CATSPERE: variants seen among roughly 807,000 people sequenced by gnomAD.
The protein encoded by CATSPERE is catsper channel auxiliary subunit epsilon, also known as cation channel sperm-associated auxiliary subunit epsilon.
In CATSPERE, 93 loss-of-function variants were observed where a neutral mutation model predicts 114.1. The observed-to-expected ratio is 0.81, with a 90% confidence interval of 0.69 to 0.97. The LOEUF (loss-of-function observed/expected upper bound fraction) is 0.97, where lower values mean the gene tolerates loss of function less well. Among genes scored for constraint, CATSPERE ranks in the 50% least tolerant of loss-of-function variants. CATSPERE has a pLI of 0.00. For missense variants in CATSPERE, 1,058 were observed against 1,131.6 expected, an observed-to-expected ratio of 0.93 and a Z score of 0.93; for synonymous variants, 341 against 384.1, an observed-to-expected ratio of 0.89 and a Z score of 1.31.
At chr1:244,583,707 G>A (rs1217229667) in intron 12 of CATSPERE, among the ~76,000 whole-genome samples, 157 bp from the exon 13 acceptor site, 1 of 152,186 alleles carries the variant, frequency 6.6e-6, no homozygotes, top group Non-Finnish European at 1.5e-5. Flanking sequence ...CAGAAGCAGA[G>A]AGCTGTTACC....
At chr1:244,484,632 T>C (rs559614180) in intron 5 of CATSPERE, among the ~76,000 whole-genome samples, 1 of 152,364 alleles carries the variant, frequency 6.6e-6, no homozygotes, top group South Asian at 2.1e-4. Flanking sequence ...GGCTTACTCC[T>C]TACCATCATT....
chr1:244,613,894 T>C (rs1241240246), intron 19 of CATSPERE, among the ~76,000 whole-genome samples: 2 of 152,144 alleles, frequency 1.3e-5, no homozygotes, highest in Non-Finnish European at 2.9e-5. Context: ...GATTAATCCA[T>C]TCATAGATTA....
At chr1:244,565,386 T>G (rs1454509874) in intron 10 of CATSPERE, among the ~76,000 whole-genome samples, 3 of 152,196 alleles carry the variant, frequency 2.0e-5, no homozygotes, top group Non-Finnish European at 4.4e-5. Flanking sequence ...CCTTGGCTTT[T>G]TTTGGTTAGT....
intron 8 of CATSPERE, among the ~76,000 whole-genome samples, chr1:244,530,549 C>G (rs976433621): frequency 2.0e-5 from 3 of 151,944 alleles, no homozygotes; most frequent in Admixed American, 6.6e-5. Flanking sequence ...TTTCCTATTT[C>G]TGTAAAGAAT....
intron 20 of CATSPERE, among the ~76,000 whole-genome samples, chr1:244,625,424 A>ATTT (rs1281579567): frequency 2.5e-4 from 1 of 3,944 alleles, no homozygotes; most frequent in Non-Finnish European, 6.9e-4. Context: ...ATATATATAT[A>ATTT]TATATATATT....
chr1:244,546,486 G>T (rs1442248160), intron 8 of CATSPERE, among the ~76,000 whole-genome samples: 1 of 152,180 alleles, frequency 6.6e-6, no homozygotes, highest in Non-Finnish European at 1.5e-5. Flanking sequence ...AAGTGCCAAT[G>T]ACTGGCCCTA....
chr1:244,574,446 T>C (rs1664939512), intron 11 of CATSPERE, among the ~76,000 whole-genome samples: 1 of 152,154 alleles, frequency 6.6e-6, no homozygotes, highest in African/African-American at 2.4e-5. Flanking sequence ...CTAACACTTA[T>C]GATTTATTCT....
chr1:244,610,216 C>T (rs750600031), intron 18 of CATSPERE, 24 bp from the exon 19 acceptor site: 9 of 1,515,480 alleles, frequency 5.9e-6, no homozygotes, highest in Non-Finnish European at 8.2e-6. Context: ...TACCTACCCA[C>T]ATACATGTGC....
At chr1:244,634,749 T>TTCCTCATCTAAAAGGAAGGGTTGCTG (rs1331766358) in intron 20 of CATSPERE, among the ~76,000 whole-genome samples, 3 of 152,246 alleles carry the variant, frequency 2.0e-5, no homozygotes, top group African/African-American at 4.8e-5. Flanking sequence ...TCATCTGAGT[T>TTCCTCATCTAAAAGGAAGGGTTGCTG]TCCTCATCTA....
At chr1:244,462,912 T>A (rs1667036501) in intron 1 of CATSPERE, among the ~76,000 whole-genome samples, 1 of 152,266 alleles carries the variant, frequency 6.6e-6, no homozygotes, top group East Asian at 1.9e-4. Context: ...TGCAATTAGG[T>A]ATGCAATGTA....
At chr1:244,545,579 C>T (rs1659623078) in intron 8 of CATSPERE, among the ~76,000 whole-genome samples, 1 of 152,146 alleles carries the variant, frequency 6.6e-6, no homozygotes, top group Non-Finnish European at 1.5e-5. Flanking sequence ...GAGAAAGGCC[C>T]TTTCATCATC....
At chr1:244,500,710 GT>G (rs1162401978) in intron 7 of CATSPERE, among the ~76,000 whole-genome samples, 1 of 152,114 alleles carries the variant, frequency 6.6e-6, no homozygotes, top group Non-Finnish European at 1.5e-5. Flanking sequence ...CTATATATCT[GT>G]TTTGTTACCA....
At chr1:244,538,654 G>A (rs941289044) in intron 8 of CATSPERE, among the ~76,000 whole-genome samples, 5 of 152,148 alleles carry the variant, frequency 3.3e-5, no homozygotes, top group Admixed American at 3.3e-4. Context: ...CATGTTACGT[G>A]TCTCCCAAGC....
At chr1:244,493,150 C>A (rs1483602806) in intron 6 of CATSPERE, among the ~76,000 whole-genome samples, 1 of 152,030 alleles carries the variant, frequency 6.6e-6, no homozygotes, top group Admixed American at 6.6e-5. Context: ...CAATCCTAAG[C>A]CAAAAGAACA....
intron 10 of CATSPERE, among the ~76,000 whole-genome samples, chr1:244,566,253 C>T (rs1338335652): frequency 6.6e-6 from 1 of 151,984 alleles, no homozygotes; most frequent in African/African-American, 2.4e-5. Context: ...ATTATGTGGT[C>T]GATTTTAAAA....
chr1:244,529,427 C>G (rs1167107111), intron 8 of CATSPERE, among the ~76,000 whole-genome samples: 1 of 152,164 alleles, frequency 6.6e-6, no homozygotes, highest in Non-Finnish European at 1.5e-5. Flanking sequence ...TGATGTTGAG[C>G]ACCTTTTCAT....
chr1:244,523,669 C>G (rs1181486967), intron 8 of CATSPERE, among the ~76,000 whole-genome samples: 10 of 137,184 alleles, frequency 7.3e-5, no homozygotes, highest in African/African-American at 3.1e-4. Context: ...GTACAAAAAT[C>G]ACAAGCATTC....
chr1:244,629,503 C>CTTTT (rs369560104), intron 20 of CATSPERE, among the ~76,000 whole-genome samples: 74 of 82,264 alleles, frequency 9.0e-4, no homozygotes, highest in Admixed American at 1.1e-3. Context: ...TCTCTCTTAC[C>CTTTT]TTTTTTTTTT....
intron 10 of CATSPERE, among the ~76,000 whole-genome samples, chr1:244,569,342 G>A (rs1043507371): frequency 6.6e-6 from 1 of 152,206 alleles, no homozygotes; most frequent in Non-Finnish European, 1.5e-5. Flanking sequence ...CGTTGATCTC[G>A]CTGGGAACTG....
Sources: gnomAD v4.1 joint callset for allele counts (sites outside exome capture counted in the v4.1 genomes callset) on GRCh38, gnomAD v4.1.1 for gene constraint, MANE v1.5 for transcripts, NCBI Gene and HGNC (gene_info 2026-07-23, HGNC 2026-07-21) for gene names.